Variants in CCDC85C observed in about 807,000 individuals in gnomAD.
CCDC85C encodes the protein coiled-coil domain containing 85C.
A neutral mutation model predicts 38.3 loss-of-function variants in CCDC85C; 18 were observed. The ratio of observed to expected loss-of-function variants is 0.47; its 90% CI spans 0.33 to 0.70. The LOEUF (loss-of-function observed/expected upper bound fraction) is 0.70, where lower values mean the gene tolerates loss of function less well. CCDC85C is among the 30% of genes least tolerant of loss of function. The pLI is 0.03. For synonymous variants in CCDC85C, 264 were observed against 293.8 expected, an observed-to-expected ratio of 0.90 and a Z score of 1.04; for missense variants, 566 against 621.2, an observed-to-expected ratio of 0.91 and a Z score of 0.94.
chr14:99,590,464 T>C (rs2055073686), intron 1 of CCDC85C, among the ~76,000 whole-genome samples: 1 of 152,116 alleles, frequency 6.6e-6, no homozygotes, highest in African/African-American at 2.4e-5. Context: ...TGATGGGTTG[T>C]CGGGGGTACC....
At chr14:99,523,885 C>T (rs1566760932) in intron 2 of CCDC85C, among the ~76,000 whole-genome samples, 2 of 152,200 alleles carry the variant, frequency 1.3e-5, no homozygotes, top group Admixed American at 6.5e-5. Context: ...TAACTAGAGG[C>T]ACTCACGGCC....
chr14:99,570,485 C>T (rs1415896396), intron 1 of CCDC85C, among the ~76,000 whole-genome samples: 5 of 152,190 alleles, frequency 3.3e-5, no homozygotes, highest in Non-Finnish European at 5.9e-5. Flanking sequence ...ACGGCAGGGG[C>T]CAGAGGGGCC....
At position 99,544,151 on chromosome 14, in the gene CCDC85C, C is replaced by A. The variant is rs1296754720; in HGVS notation, c.794-8063G>T. Reference sequence around the variant, plus strand: ...CATCCTGTAACTGCTACCACTGTGTCATCGACAAGGCGCCTGAGACTCAGC... The same window carrying A: ...CATCCTGTAACTGCTACCACTGTGTAATCGACAAGGCGCCTGAGACTCAGC... On this transcript the variant is annotated intron_variant, in intron 1 of 5. Transcript: ENST00000380243. The surrounding 1 kb of genome is among the most constrained non-coding windows in gnomAD (Gnocchi z 5.3). Among the ~76,000 whole-genome samples the A allele has an allele frequency of 6.6e-6, 1 of 152,190 alleles. No homozygotes were observed. The highest frequency in any genetic ancestry group is 1.5e-5 in the Non-Finnish European group (1 of 68,034).
intron 1 of CCDC85C, among the ~76,000 whole-genome samples, chr14:99,586,823 T>C (rs921714360): frequency 6.6e-6 from 1 of 152,050 alleles, no homozygotes; most frequent in African/African-American, 2.4e-5. Flanking sequence ...CCTGCCACTG[T>C]CCATCAAGGC....
At chr14:99,527,714 G>A (rs978005618) in intron 2 of CCDC85C, among the ~76,000 whole-genome samples, 2 of 152,146 alleles carry the variant, frequency 1.3e-5, no homozygotes, top group Non-Finnish European at 2.9e-5. Flanking sequence ...CAGCAGCCCT[G>A]GAGACCTCCC....
At chr14:99,524,339 C>A (rs894047272) in intron 2 of CCDC85C, among the ~76,000 whole-genome samples, 4 of 152,066 alleles carry the variant, frequency 2.6e-5, no homozygotes, top group Admixed American at 6.6e-5. Flanking sequence ...TGGACTCCGG[C>A]GTCCCTTCCT....
intron 1 of CCDC85C, among the ~76,000 whole-genome samples, chr14:99,584,828 G>T (rs1474766134): frequency 1.3e-5 from 2 of 152,182 alleles, no homozygotes; most frequent in African/African-American, 4.8e-5. Flanking sequence ...CGCAGTGGAC[G>T]CTGTAATCCC....
intron 1 of CCDC85C, among the ~76,000 whole-genome samples, chr14:99,587,848 G>T (rs1002013970): frequency 1.3e-5 from 2 of 152,162 alleles, no homozygotes; most frequent in Non-Finnish European, 2.9e-5. Context: ...AGCAGGCAGG[G>T]GGCCATTCTA....
At chr14:99,591,957 C>G (rs2055092992) in intron 1 of CCDC85C, among the ~76,000 whole-genome samples, 1 of 152,178 alleles carries the variant, frequency 6.6e-6, no homozygotes, top group African/African-American at 2.4e-5. Flanking sequence ...TGGTCTCGAA[C>G]TCCTGACCTC....
chr14:99,538,491 C>A (rs894952875), intron 1 of CCDC85C, among the ~76,000 whole-genome samples: 28 of 152,348 alleles, frequency 1.8e-4, no homozygotes, highest in African/African-American at 6.7e-4. Flanking sequence ...GGGGGAGGAC[C>A]CAGCCACTGT....
intron 2 of CCDC85C, among the ~76,000 whole-genome samples, chr14:99,523,952 G>C (rs1005998385): frequency 6.7e-6 from 1 of 149,884 alleles, no homozygotes. Context: ...GTACCAAAAA[G>C]AGGAAGAGGC....
intron 1 of CCDC85C, among the ~76,000 whole-genome samples, chr14:99,550,896 C>A (rs1179246556): frequency 6.6e-6 from 1 of 152,172 alleles, no homozygotes; most frequent in East Asian, 1.9e-4. Flanking sequence ...CAATATACGA[C>A]TGCTCACCTG....
chr14:99,584,243 T>A (rs1005338193), intron 1 of CCDC85C, among the ~76,000 whole-genome samples: 9 of 152,130 alleles, frequency 5.9e-5, no homozygotes, highest in Non-Finnish European at 1.2e-4. Flanking sequence ...TTTTAAATCA[T>A]AATTTTGAGC....
intron 1 of CCDC85C, among the ~76,000 whole-genome samples, chr14:99,536,438 G>A (rs992346861): frequency 2.0e-5 from 3 of 152,152 alleles, no homozygotes; most frequent in African/African-American, 7.2e-5. Context: ...GCCTGCCCTG[G>A]AGCAATTCCT....
intron 2 of CCDC85C, chr14:99,522,500 A>G (rs980777579): frequency 1.5e-5 from 5 of 340,378 alleles, no homozygotes; most frequent in Non-Finnish European, 2.7e-5. Context: ...AACAGAATGA[A>G]TGAATGAATG....
chr14:99,531,011 C>T (rs1324160543), intron 2 of CCDC85C, among the ~76,000 whole-genome samples: 5 of 152,210 alleles, frequency 3.3e-5, no homozygotes, highest in African/African-American at 9.7e-5. Context: ...CCCTACCAGA[C>T]GAATACAACA....
intron 1 of CCDC85C, among the ~76,000 whole-genome samples, chr14:99,567,488 T>C (rs1898239541): frequency 6.6e-6 from 1 of 152,152 alleles, no homozygotes; most frequent in Admixed American, 6.5e-5. Flanking sequence ...GAGGGACCCC[T>C]GGGCCAGGAC....
chr14:99,572,565 G>A lies in CCDC85C; in HGVS notation c.793+30602C>T, dbSNP rs1898374997. Among the ~76,000 whole-genome samples the A allele has an allele frequency of 6.6e-6, 1 of 152,192 alleles. No homozygotes were observed. Among genetic ancestry groups the A allele is most frequent in the African/African-American group, 2.4e-5 (1 of 41,442 alleles). ...CTTCGGTCACCAGAGTCCAGCCACA[G>A]GGCCTGGTCAGCTCCGGGAAAGCTC... On this transcript the variant is annotated intron_variant, in intron 1 of 5. Coordinates refer to ENST00000380243, the MANE Select transcript of CCDC85C (RefSeq NM_001144995.2). This position sits in a 1 kb window ranked among gnomAD's most constrained non-coding sequence, Gnocchi z 4.4.
At chr14:99,529,847 A>C (rs1271844513) in intron 2 of CCDC85C, among the ~76,000 whole-genome samples, 1 of 152,240 alleles carries the variant, frequency 6.6e-6, no homozygotes, top group Non-Finnish European at 1.5e-5. Context: ...CACAATGGAC[A>C]GGAAAGATCA....
Sources: gnomAD v4.1 joint callset for allele counts (sites outside exome capture counted in the v4.1 genomes callset) on GRCh38, gnomAD v4.1.1 for gene constraint, Gnocchi (gnomAD v3.1) non-coding constraint, MANE v1.5 for transcripts, NCBI Gene and HGNC (gene_info 2026-07-23, HGNC 2026-07-21) for gene names.